The following NEXN variants were observed in gnomAD, a reference collection of about 807,000 sequenced individuals.
NEXN encodes the protein nexilin.
A neutral mutation model predicts 92.6 loss-of-function variants in NEXN; 65 were observed. That is an observed-to-expected ratio of 0.70 (90% CI 0.57 to 0.86). NEXN has a LOEUF of 0.86. Ranked by LOEUF, NEXN falls within the 40% of genes least tolerant of loss-of-function variation. NEXN has a pLI of 0.00. For missense variants in NEXN, 778 were observed against 771.1 expected (o/e 1.01, Z -0.11); for synonymous variants, 254 against 242.5 (o/e 1.05, Z -0.44).
At chr1:77,922,431 A>AT (rs1649499607) in intron 5 of NEXN, among the ~76,000 whole-genome samples, 1 of 151,902 alleles carries the variant, frequency 6.6e-6, no homozygotes, top group Non-Finnish European at 1.5e-5. Context: ...GCCTGGCCTA[A>AT]AAAGAGAAGT....
At chr1:77,933,252 C>A (rs761491698) in intron 9 of NEXN, 30 bp from the exon 10 acceptor site, 10 of 1,330,872 alleles carry the variant, frequency 7.5e-6, no homozygotes, top group South Asian at 3.7e-5. Flanking sequence ...GTAATTCTGG[C>A]CAGAGTGATA....
chr1:77,911,585 T>C (rs1480321424), intron 1 of NEXN, among the ~76,000 whole-genome samples: 1 of 151,114 alleles, frequency 6.6e-6, no homozygotes, highest in Non-Finnish European at 1.5e-5. Context: ...AGAGCAAGAC[T>C]CCATCTCAAA....
At chr1:77,909,589 G>C (rs1294397483) in intron 1 of NEXN, among the ~76,000 whole-genome samples, 1 of 151,956 alleles carries the variant, frequency 6.6e-6, no homozygotes, top group African/African-American at 2.4e-5. Flanking sequence ...ATGTATAGAT[G>C]GATTCCTTTA....
chr1:77,915,913 G>A (rs1228335204), intron 1 of NEXN, 142 bp from the exon 2 acceptor site: 2 of 228,828 alleles, frequency 8.7e-6, no homozygotes, highest in Non-Finnish European at 8.6e-6. Flanking sequence ...GGGAAAAAGA[G>A]CTAAAGGTTA....
rs918056911 is a variant in NEXN, at chr1:77,923,753, A to G, written c.448-1435A>G. On this transcript the variant is annotated intron_variant, in intron 5 of 12. Transcript: ENST00000334785. ...AGTGCAGTGGTGTGATCTCAGCTCA[A>G]TGCAACCTCTGCCTCCCGGGTTCAC... Among the ~76,000 whole-genome samples, 9 of 144,064 alleles carry G rather than the reference A, an allele frequency of 6.2e-5. No homozygotes were observed. In the South Asian group the frequency reaches 6.5e-4, roughly 10 times the overall value. 94.5% of individuals were successfully genotyped at this position (144,064 alleles called of 152,430 possible).
chr1:77,895,003 A>G (rs970207301), intron 1 of NEXN, among the ~76,000 whole-genome samples: 1 of 140,012 alleles, frequency 7.1e-6, no homozygotes, highest in African/African-American at 2.7e-5. Context: ...GGCGTGAGCC[A>G]CCATCCATGG....
rs748229117 is a variant in NEXN at position 77,910,480 on chromosome 1, C to T, written c.-52-5575C>T. ...AACTAATAAGTTATTAGGCTGGGCT[C>T]GGTGGCTAACGCCTGTAATCCCAGC... On this transcript the variant is annotated intron_variant, in intron 1 of 12. Transcript: ENST00000334785. Among the ~76,000 whole-genome samples the T allele has an allele frequency of 3.3e-5, 5 of 152,132 alleles. No homozygotes were observed. In the South Asian group the frequency reaches 8.3e-4, roughly 25 times the overall value.
chr1:77,897,898 C>A (rs1647362266), intron 1 of NEXN, among the ~76,000 whole-genome samples: 1 of 151,970 alleles, frequency 6.6e-6, no homozygotes, highest in Non-Finnish European at 1.5e-5. Flanking sequence ...CATGAGTGAA[C>A]TCCCATTCAC....
chr1:77,942,987 G>T lies in NEXN; in HGVS notation c.*158G>T. Reference sequence around the variant, plus strand: ...CTACATCCATCTTTTCTGTGGCGGGGCCAAAAAAGGAAACCAGGAGTGCCA... The same window carrying T: ...CTACATCCATCTTTTCTGTGGCGGGTCCAAAAAAGGAAACCAGGAGTGCCA... On this transcript the variant is annotated 3_prime_UTR_variant, in exon 13 of 13. Transcript: ENST00000334785. 1 of 1,010,784 alleles carries T rather than the reference G, an allele frequency of 9.9e-7. No homozygotes were observed. Among genetic ancestry groups the T allele is most frequent in the Non-Finnish European group, 1.5e-6 (1 of 671,102 alleles). 62.6% of individuals were successfully genotyped at this position (1,010,784 alleles called of 1,614,324 possible).
At position 77,921,735 on chromosome 1, in the gene NEXN, C is replaced by A. The variant is rs567498415; in HGVS notation, c.448-3453C>A. 1.1e-3 allele frequency among the ~76,000 whole-genome samples: 162 copies of A among 152,242 alleles called. 1 individual carries two copies. The highest frequency in any genetic ancestry group is 3.7e-3 in the African/African-American group (155 of 41,560). On this transcript the variant is annotated intron_variant, in intron 5 of 12. Coordinates refer to ENST00000334785, the MANE Select transcript of NEXN (RefSeq NM_144573.4). ...GGCCAGCCTGGGCAATACACTAAAA[C>A]CCTGTCACTACAAAAATTAAAAAAA...
intron 5 of NEXN, 64 bp downstream of exon 5, chr1:77,918,337 G>C (rs1019080094): frequency 1.5e-5 from 23 of 1,494,682 alleles, no homozygotes; most frequent in Non-Finnish European, 2.0e-5. Context: ...AAACTAATCA[G>C]TATGTTGCCT....
intron 1 of NEXN, among the ~76,000 whole-genome samples, chr1:77,902,118 C>T (rs1378387005): frequency 6.6e-6 from 1 of 152,062 alleles, no homozygotes; most frequent in Admixed American, 6.6e-5. Flanking sequence ...ATAAATGTTT[C>T]TTGAAAAAAC....
At chr1:77,933,217 A>T in intron 9 of NEXN, 65 bp from the exon 10 acceptor site, 1 of 1,057,910 alleles carries the variant, frequency 9.5e-7, no homozygotes, top group Non-Finnish European at 1.4e-6. Context: ...CAGTTTCTTC[A>T]AGAAATAGTC....
In NEXN at chr1:77,929,291, A is replaced by T. The variant is rs765149282; in HGVS notation, c.865-25A>T. 6.2e-6 allele frequency: 9 copies of T among 1,442,254 alleles called. No homozygotes were observed. In the Admixed American group the frequency reaches 1.5e-4, roughly 24 times the overall value. 89.3% of individuals were successfully genotyped at this position (1,442,254 alleles called of 1,614,324 possible). On this transcript the variant is annotated intron_variant, in intron 8 of 12. Coordinates refer to ENST00000334785, the MANE Select transcript of NEXN (RefSeq NM_144573.4). ...CTTTTTCTGATGAACCTCAATTCTT[A>T]GTAATGAATTGTTTATTTGGTTAGG...
At chr1:77,898,885 C>T (rs1394116570) in intron 1 of NEXN, among the ~76,000 whole-genome samples, 1 of 152,158 alleles carries the variant, frequency 6.6e-6, no homozygotes, top group Non-Finnish European at 1.5e-5. Context: ...GACATTTATG[C>T]AGCCAAAAAA....
intron 11 of NEXN, among the ~76,000 whole-genome samples, chr1:77,938,089 C>T (rs1173423369): frequency 6.6e-6 from 1 of 151,964 alleles, no homozygotes; most frequent in Non-Finnish European, 1.5e-5. Flanking sequence ...TACGGGAAAC[C>T]AGACTAGAGT....
At chr1:77,924,172 G>A (rs1454980925) in intron 5 of NEXN, 1 of 175,126 alleles carries the variant, frequency 5.7e-6, no homozygotes. Context: ...GACCAGCCTG[G>A]CCAACATGGT....
intron 9 of NEXN, among the ~76,000 whole-genome samples, chr1:77,930,768 T>C (rs1214851525): frequency 6.6e-6 from 1 of 152,174 alleles, no homozygotes; most frequent in Non-Finnish European, 1.5e-5. Flanking sequence ...TAACTCCAAT[T>C]CATAACTTTC....
chr1:77,915,012 G>A (rs968154445), intron 1 of NEXN, among the ~76,000 whole-genome samples: 4 of 152,082 alleles, frequency 2.6e-5, no homozygotes, highest in Non-Finnish European at 5.9e-5. Context: ...CATGCAAACT[G>A]TAAACCTAAG....
Sources: gnomAD v4.1 joint callset for allele counts (sites outside exome capture counted in the v4.1 genomes callset) on GRCh38, gnomAD v4.1.1 for gene constraint, MANE v1.5 for transcripts, NCBI Gene and HGNC (gene_info 2026-07-23, HGNC 2026-07-21) for gene names.